HIP1R: variants seen among roughly 807,000 people sequenced by gnomAD.
HIP1R encodes huntingtin interacting protein 1 related.
A neutral mutation model predicts 144.2 loss-of-function variants in HIP1R; 135 were observed. That is an observed-to-expected ratio of 0.94 (90% CI 0.81 to 1.08). The LOEUF (loss-of-function observed/expected upper bound fraction) is 1.08, where lower values mean the gene tolerates loss of function less well. HIP1R is among the 50% of genes least tolerant of loss of function. The pLI, the probability that HIP1R is intolerant of heterozygous loss-of-function variation, is 0.00. For synonymous variants in HIP1R, 698 were observed against 612.8 expected (o/e 1.14, Z -2.05); for missense variants, 1,462 against 1,432.8 (o/e 1.02, Z -0.33).
chr12:122,859,386 G>T (rs780457914), intron 22 of HIP1R, 40 bp from the exon 23 acceptor site: 18 of 1,565,098 alleles, frequency 1.2e-5, no homozygotes, highest in Non-Finnish European at 2.6e-6. Context: ...GGGACGGGGG[G>T]GGACGGAGGC....
intron 22 of HIP1R, 58 bp from the exon 23 acceptor site, chr12:122,859,368 C>T: frequency 1.3e-6 from 2 of 1,520,560 alleles, no homozygotes; most frequent in South Asian, 2.3e-5. Flanking sequence ...CTTTCCCAGG[C>T]TGCCCGTGGG....
chr12:122,855,756 G>C, intron 12 of HIP1R, 75 bp from the exon 13 acceptor site: 5 of 1,520,144 alleles, frequency 3.3e-6, no homozygotes, highest in Non-Finnish European at 2.7e-6. Context: ...CCACTGAGGA[G>C]GAGACAGGTT....
chr12:122,845,059 G>C (rs960688700), intron 1 of HIP1R, among the ~76,000 whole-genome samples: 2 of 152,278 alleles, frequency 1.3e-5, no homozygotes, highest in African/African-American at 4.8e-5. Flanking sequence ...ATTGCTGGCA[G>C]TTGGACCTGC....
intron 23 of HIP1R, 113 bp from the exon 24 acceptor site, chr12:122,859,659 C>T (rs1350496138): frequency 1.7e-5 from 23 of 1,393,020 alleles, no homozygotes; most frequent in East Asian, 7.1e-5. Flanking sequence ...GGACAGATGG[C>T]GTTTTCCAGG....
At position 122,855,364 on chromosome 12, in the gene HIP1R, C is replaced by G; in HGVS notation, c.952C>G (p.Leu318Val). 1 of 1,599,152 alleles carries G rather than the reference C, an allele frequency of 6.3e-7. No individual in the cohort carries two copies. Among genetic ancestry groups the G allele is most frequent in the Non-Finnish European group, 8.5e-7 (1 of 1,174,002 alleles). Residue 318 changes from leucine to valine, a missense_variant, in exon 11 of 32, where the codon CTC becomes GTC. This residue lies in a region of HIP1R where 1,112 missense variants were observed against 1,011.7 expected (regional missense o/e 1.10). Transcript: ENST00000253083. ...EAPEDEEPENLIEISTGPPAG... is the reference protein window; with the variant it reads ...EAPEDEEPENVIEISTGPPAG... ...CCCGGAAGATGAGGAGCCGGAGAATCTCATTGAGATCAGCACAGGGCCCCC... is the reference window on the plus strand; with the variant it reads ...CCCGGAAGATGAGGAGCCGGAGAATGTCATTGAGATCAGCACAGGGCCCCC...
Position 122,859,415 on chromosome 12 carries a change from A to G in HIP1R, c.2296-11A>G, listed in dbSNP as rs374914201. 6.8e-6 allele frequency: 11 copies of G among 1,609,688 alleles called. No homozygotes were observed. In the African/African-American group the frequency reaches 8.0e-5, roughly 12 times the overall value. The stretch of plus-strand genomic sequence containing the variant: ...CGGAGGCTACCCCTGTCTGACTCCC[A>G]TCCTCACCAGGAACTGAAACCCAAG... On this transcript the variant is annotated splice_polypyrimidine_tract_variant and intron_variant, in intron 22 of 31. Transcript: ENST00000253083.
intron 1 of HIP1R, among the ~76,000 whole-genome samples, chr12:122,837,198 C>A (rs2032924599): frequency 6.6e-6 from 1 of 152,128 alleles, no homozygotes; most frequent in Non-Finnish European, 1.5e-5. Flanking sequence ...GAAGGACCAA[C>A]TTCATTGATC....
chr12:122,854,789 C>T (rs1401376325), intron 8 of HIP1R, 116 bp from the exon 9 acceptor site: 2 of 1,104,128 alleles, frequency 1.8e-6, no homozygotes, highest in African/African-American at 3.2e-5. Context: ...CGGGCCTGGC[C>T]CGGTCTCAGG....
Position 122,854,161 on chromosome 12 carries a change from G to GC in HIP1R, c.697dup (p.Leu233ProfsTer56). The GC allele has an allele frequency of 6.2e-7, 1 of 1,613,752 alleles. No individual in the cohort carries two copies. The highest frequency in any genetic ancestry group is 8.5e-7 in the Non-Finnish European group (1 of 1,179,892). ...GCCACCTCTACCACTACACGGTCAA[G>GC]CTCCTGTTCAAGCTACACTCTTGTG... On this transcript the variant is annotated frameshift_variant, in exon 8 of 32. Coordinates refer to ENST00000253083, the MANE Select transcript of HIP1R (RefSeq NM_003959.3). LOFTEE classifies it high-confidence loss of function.
At position 122,859,446 on chromosome 12, in the gene HIP1R, A is replaced by C. The variant is rs1246763410; in HGVS notation, c.2316A>C (p.Leu772=). The change falls in exon 23 of 32, where the codon CTA becomes CTC. Residue 772 remains leucine, a synonymous_variant. Transcript: ENST00000253083. ...QLGQELKPKS[L]DVRQEELGAV... ...ACCAGGAACTGAAACCCAAGAGCCT[A>C]GATGTGCGGCAGGAGGAGCTGGGGG... 4 of 1,613,280 alleles carry C rather than the reference A, an allele frequency of 2.5e-6. No homozygotes were observed. The Admixed American group carries it at 5.0e-5, about 20-fold the overall frequency.
At chr12:122,855,670 T>C (rs2033547727) in intron 12 of HIP1R, 58 bp downstream of exon 12, 2 of 1,538,240 alleles carry the variant, frequency 1.3e-6, no homozygotes, top group Non-Finnish European at 1.8e-6. Flanking sequence ...TCAGCTGAGC[T>C]GTGCTCTGGA....
At chr12:122,861,612 A>G in intron 31 of HIP1R, 94 bp from the exon 32 acceptor site, 3 of 1,576,622 alleles carry the variant, frequency 1.9e-6, no homozygotes, top group Non-Finnish European at 2.6e-6. Flanking sequence ...GTCAGGGACC[A>G]CTGACAACAT....
chr12:122,840,472 C>T lies in HIP1R; in HGVS notation c.93+4829C>T, dbSNP rs139679382. 1.1e-3 allele frequency among the ~76,000 whole-genome samples: 175 copies of T among 152,312 alleles called. 2 individuals carry two copies. The East Asian group carries it at 0.028, about 25-fold the overall frequency. On this transcript the variant is annotated intron_variant, in intron 1 of 31. Transcript: ENST00000253083. The surrounding 1 kb of genome is among the most constrained non-coding windows in gnomAD (Gnocchi z 4.2). Reference sequence around the variant, plus strand: ...TCCCTTCACCACTCTGCCTCAGTTTCCTTATCTACAAAATGGGGGCAATAA... The same window carrying T: ...TCCCTTCACCACTCTGCCTCAGTTTTCTTATCTACAAAATGGGGGCAATAA...
At position 122,856,278 on chromosome 12, in the gene HIP1R, G is replaced by A. The variant is rs778578403; in HGVS notation, c.1335G>A (p.Ala445=). 4.0e-5 allele frequency: 64 copies of A among 1,613,720 alleles called. No individual in the cohort carries two copies. Among genetic ancestry groups the A allele is most frequent in the South Asian group, 2.9e-4 (26 of 91,088 alleles). Residue 445 remains alanine, a synonymous_variant, in exon 15 of 32, where the codon GCG becomes GCA. Transcript: ENST00000253083. The part of the protein sequence containing the change: ...EAERKASATE[A]RYNKLKEKHS... ...CAGGGAAGGCCAGTGCCACGGAGGCGCGCTACAACAAGCTGAAGGAAAAGC... is the reference window on the plus strand; with the variant it reads ...CAGGGAAGGCCAGTGCCACGGAGGCACGCTACAACAAGCTGAAGGAAAAGC...
intron 1 of HIP1R, among the ~76,000 whole-genome samples, chr12:122,843,094 G>A (rs989230380): frequency 8.5e-5 from 13 of 152,210 alleles, no homozygotes; most frequent in African/African-American, 2.2e-4. Context: ...GAGCCCACTC[G>A]CAATTTGGAG....
rs11060387 is a variant in HIP1R, at chr12:122,853,266, C to T, written c.578-777C>T. On this transcript the variant is annotated intron_variant, in intron 7 of 31. Coordinates refer to ENST00000253083, the MANE Select transcript of HIP1R (RefSeq NM_003959.3). ...CTGGGGGTGTCAGGGGCAGGGGAGA[C>T]GGGCCCTGGGGGTGTCAGGGGCAGG... Among the ~76,000 whole-genome samples the T allele has an allele frequency of 0.013, 1,689 of 134,212 alleles. 74 individuals are homozygous for T. The East Asian group carries it at 0.14, about 11-fold the overall frequency. The allele number at this position is 134,212 out of a possible 152,430, so 88.0% of individuals were successfully genotyped here.
At chr12:122,848,326 A>G (rs2033269861) in intron 2 of HIP1R, 140 bp from the exon 3 acceptor site, 3 of 1,120,514 alleles carry the variant, frequency 2.7e-6, no homozygotes, top group African/African-American at 1.6e-5. Context: ...TTGGCTGGAC[A>G]CTGGAGCTCT....
chr12:122,845,102 T>C (rs976343323), intron 1 of HIP1R, among the ~76,000 whole-genome samples: 3 of 152,200 alleles, frequency 2.0e-5, no homozygotes, highest in Non-Finnish European at 4.4e-5. Context: ...CGGAGCTGCG[T>C]CAAGGACACC....
chr12:122,855,893 T>A lies in HIP1R; in HGVS notation c.1118T>A (p.Ile373Asn). 1.0e-6 allele frequency: 1 copy of A among 972,094 alleles called. No homozygotes were observed. Among genetic ancestry groups the A allele is most frequent in the Non-Finnish European group, 1.5e-6 (1 of 668,218 alleles). 60.2% of individuals were successfully genotyped at this position (972,094 alleles called of 1,614,324 possible). ...ATGCTCCGCTCTGAACTGGAGAAGA[T>A]CAAGCTGGAGGTGCGGGGTGGGGAT... ...VEMLRSELEK[I>N]KLEAQRYIAQ... Residue 373 changes from isoleucine to asparagine, a missense_variant, in exon 13 of 32, where the codon ATC becomes AAC. This residue lies in a region of HIP1R where 1,112 missense variants were observed against 1,011.7 expected (regional missense o/e 1.10). Coordinates refer to ENST00000253083, the MANE Select transcript of HIP1R (RefSeq NM_003959.3).
Sources: allele counts gnomAD v4.1 joint callset (sites outside exome capture counted in the v4.1 genomes callset), GRCh38; gene constraint gnomAD v4.1.1; regional missense constraint gnomAD v4.1.1; non-coding constraint Gnocchi (gnomAD v3.1); transcripts MANE v1.5; gene names NCBI Gene and HGNC (gene_info 2026-07-23, HGNC 2026-07-21).